Variants in PANX1 observed in about 807,000 individuals in gnomAD.
The protein encoded by PANX1 is pannexin-1.
In PANX1, 30 loss-of-function variants were observed where a neutral mutation model predicts 38.7. The ratio of observed to expected loss-of-function variants is 0.78; its 90% confidence interval spans 0.58 to 1.05. PANX1 has a LOEUF of 1.05. Ranked by LOEUF, PANX1 falls within the 50% of genes least tolerant of loss-of-function variation. The pLI is 0.00. For missense variants in PANX1, 551 were observed against 517.2 expected (o/e 1.07, Z -0.63); for synonymous variants, 230 against 212.2 (o/e 1.08, Z -0.73).
intron 1 of PANX1, among the ~76,000 whole-genome samples, chr11:94,147,340 G>A (rs1946838550): frequency 6.6e-6 from 1 of 152,022 alleles, no homozygotes; most frequent in Admixed American, 6.6e-5. Flanking sequence ...ATATAACATT[G>A]AGTTCTTCTG....
intron 4 of PANX1, 84 bp downstream of exon 4, chr11:94,180,341 C>T: frequency 8.5e-7 from 1 of 1,180,906 alleles, no homozygotes; most frequent in East Asian, 2.4e-5. Context: ...AGTCTTTACC[C>T]TGCCCATCAT....
chr11:94,146,987 C>A (rs1236049575), intron 1 of PANX1, among the ~76,000 whole-genome samples: 1 of 152,166 alleles, frequency 6.6e-6, no homozygotes, highest in Non-Finnish European at 1.5e-5. Context: ...ATGATCTCTG[C>A]AACTAACTCC....
chr11:94,132,098 G>A (rs1347580987), intron 1 of PANX1, among the ~76,000 whole-genome samples: 1 of 152,186 alleles, frequency 6.6e-6, no homozygotes, highest in African/African-American at 2.4e-5. Context: ...TGTTTTGCAT[G>A]GAGATTGAAA....
intron 2 of PANX1, among the ~76,000 whole-genome samples, chr11:94,168,823 G>A (rs981237683): frequency 6.6e-6 from 1 of 151,680 alleles, no homozygotes; most frequent in Non-Finnish European, 1.5e-5. Flanking sequence ...GAGGTGGGAA[G>A]TGCATCTTTT....
At chr11:94,158,053 T>C (rs1360128976) in intron 2 of PANX1, among the ~76,000 whole-genome samples, 2 of 152,220 alleles carry the variant, frequency 1.3e-5, no homozygotes, top group African/African-American at 4.8e-5. Context: ...CAGATGGTTG[T>C]AGATATGTGG....
At chr11:94,140,670 T>C (rs1235405195) in intron 1 of PANX1, among the ~76,000 whole-genome samples, 1 of 152,214 alleles carries the variant, frequency 6.6e-6, no homozygotes, top group Non-Finnish European at 1.5e-5. Flanking sequence ...GCAGAATGTG[T>C]TTCTCTAGAG....
chr11:94,134,697 T>C (rs1946667997), intron 1 of PANX1, among the ~76,000 whole-genome samples: 1 of 133,530 alleles, frequency 7.5e-6, no homozygotes, highest in Non-Finnish European at 1.6e-5. Flanking sequence ...TCCCTCTCTC[T>C]CCCACTACCC....
intron 1 of PANX1, among the ~76,000 whole-genome samples, chr11:94,142,176 C>T (rs555429880): frequency 4.6e-5 from 7 of 152,138 alleles, no homozygotes; most frequent in Admixed American, 2.0e-4. Flanking sequence ...GCTGGGTCTC[C>T]GGCTCTGCTG....
Position 94,178,454 on chromosome 11 carries a change from G to A in PANX1, c.407G>A (p.Cys136Tyr), listed in dbSNP as rs1006956473. Reference sequence around the variant, plus strand: ...CGTTTCGCAGCTGCTCCTCATATTTGCTCAGACTTGAAGTTTATCATGGAA... The same window carrying A: ...CGTTTCGCAGCTGCTCCTCATATTTACTCAGACTTGAAGTTTATCATGGAA... ...FWRFAAAPHI[C>Y]SDLKFIMEEL... The change falls in exon 3 of 5, where the codon TGC (cysteine) becomes TAC (tyrosine). Residue 136 changes from cysteine to tyrosine, a missense_variant. Coordinates refer to ENST00000227638, the MANE Select transcript of PANX1 (RefSeq NM_015368.4). 12 of 1,614,028 alleles carry A rather than the reference G, an allele frequency of 7.4e-6. No homozygotes were observed. Among genetic ancestry groups the A allele is most frequent in the Non-Finnish European group, 1.0e-5 (12 of 1,179,976 alleles).
At chr11:94,157,518 G>A (rs1347902477) in intron 2 of PANX1, among the ~76,000 whole-genome samples, 3 of 152,242 alleles carry the variant, frequency 2.0e-5, no homozygotes, top group Non-Finnish European at 4.4e-5. Flanking sequence ...TGTGTCTGTT[G>A]GCTGCATAAA....
chr11:94,130,241 A>T (rs1420520956), intron 1 of PANX1, among the ~76,000 whole-genome samples: 1 of 147,914 alleles, frequency 6.8e-6, no homozygotes, highest in East Asian at 1.9e-4. Flanking sequence ...CAGGAGGGTT[A>T]AATACAGTTC....
chr11:94,144,271 C>T (rs1946799884), intron 1 of PANX1, among the ~76,000 whole-genome samples: 1 of 152,056 alleles, frequency 6.6e-6, no homozygotes, highest in South Asian at 2.1e-4. Context: ...ATGCAAAAAC[C>T]AAGACCAAGC....
chr11:94,153,289 T>C (rs1480947703), intron 1 of PANX1, among the ~76,000 whole-genome samples: 1 of 152,228 alleles, frequency 6.6e-6, no homozygotes, highest in African/African-American at 2.4e-5. Context: ...GCCAAGCTGC[T>C]ATCATGACCA....
rs1057219809 is a variant in PANX1 at position 94,176,490 on chromosome 11, G to A, written c.322-1879G>A. 2.1e-4 allele frequency among the ~76,000 whole-genome samples: 32 copies of A among 151,604 alleles called. 2 individuals are homozygous for A. Among genetic ancestry groups the A allele is most frequent in the African/African-American group, 6.4e-4 (26 of 40,930 alleles). The stretch of plus-strand genomic sequence containing the variant: ...GAAGTTTAGTTTCTGATAATGTGCC[G>A]ATGTTGGCTTCTTAGTCTTAACAAA... On this transcript the variant is annotated intron_variant, in intron 2 of 4. Transcript: ENST00000227638.
At chr11:94,164,227 T>C (rs77199559) in intron 2 of PANX1, among the ~76,000 whole-genome samples, 3,558 of 152,212 alleles carry the variant, frequency 0.023, 40 homozygotes, top group Middle Eastern at 0.051. Flanking sequence ...TTCTGCTCTT[T>C]AATAGTCTAC....
At position 94,180,955 on chromosome 11, in the gene PANX1, G is replaced by T; in HGVS notation, c.*86G>T. Reference sequence around the variant, plus strand: ...AAGCACCCCTGTTGGTTTCACAGCTGGTTTGCAATAAATGGTTCTTGGTGG... The same window carrying T: ...AAGCACCCCTGTTGGTTTCACAGCTTGTTTGCAATAAATGGTTCTTGGTGG... On this transcript the variant is annotated 3_prime_UTR_variant, in exon 5 of 5. Transcript: ENST00000227638. 2 of 779,048 alleles carry T rather than the reference G, an allele frequency of 2.6e-6. No individual in the cohort carries two copies. The highest frequency in any genetic ancestry group is 1.4e-5 in the South Asian group (1 of 70,108). The allele number at this position is 779,048 out of a possible 1,614,324, so 48.3% of individuals were successfully genotyped here.
intron 1 of PANX1, among the ~76,000 whole-genome samples, chr11:94,133,509 ACT>A (rs1182479399): frequency 6.6e-6 from 1 of 151,482 alleles, no homozygotes; most frequent in Non-Finnish European, 1.5e-5. Flanking sequence ...TGGCAAGGAG[ACT>A]CTTCTGAGTT....
chr11:94,130,051 A>T (rs1946609030), intron 1 of PANX1, among the ~76,000 whole-genome samples: 1 of 152,220 alleles, frequency 6.6e-6, no homozygotes, highest in Non-Finnish European at 1.5e-5. Flanking sequence ...CGGTCTTACA[A>T]ATGTGAGATG....
At chr11:94,153,700 A>T in intron 2 of PANX1, 70 bp downstream of exon 2, 2 of 1,438,444 alleles carry the variant, frequency 1.4e-6, no homozygotes, top group Non-Finnish European at 1.9e-6. Flanking sequence ...CAGGGAGGCT[A>T]TGCCAAAGAC....
Sources: gnomAD v4.1 joint callset for allele counts (sites outside exome capture counted in the v4.1 genomes callset) on GRCh38, gnomAD v4.1.1 for gene constraint, MANE v1.5 for transcripts, NCBI Gene and HGNC (gene_info 2026-07-23, HGNC 2026-07-21) for gene names.